LMO3: variants seen among roughly 807,000 people sequenced by gnomAD.
The protein encoded by LMO3 is LIM domain only 3, also known as LIM domain only protein 3.
In LMO3, 2 loss-of-function variants were observed where a neutral mutation model predicts 15.8. The observed-to-expected ratio is 0.13, with a 90% CI of 0.05 to 0.40. LMO3 has a LOEUF of 0.40. LMO3 is among the 10% of genes least tolerant of loss of function. LMO3 has a pLI of 0.99. For synonymous variants in LMO3, 62 were observed against 63.8 expected (o/e 0.97, Z 0.13); for missense variants, 86 against 182.2 (o/e 0.47, Z 3.04).
chr12:16,549,269 A>ATAGT lies in LMO3; in HGVS notation c.*1949_*1952dup, dbSNP rs1202774487. The ATAGT allele has an allele frequency of 6.6e-6, 1 of 152,130 alleles. No homozygotes were observed. Among genetic ancestry groups the ATAGT allele is most frequent in the Non-Finnish European group, 1.5e-5 (1 of 68,004 alleles). 9.4% of individuals were successfully genotyped at this position (152,130 alleles called of 1,614,324 possible). A position where few individuals can be genotyped will look rare whatever the true frequency, so the allele number is the denominator to read the frequency against. ...AGTGTAAGGCTCTAAGGCTAAAATA[A>ATAGT]TAGTTATTTTTGTGGGCCCCAAATA... On this transcript the variant is annotated 3_prime_UTR_variant, in exon 4 of 4. Transcript: ENST00000537304.
chr12:16,572,101 T>C (rs1403358718), intron 2 of LMO3, among the ~76,000 whole-genome samples: 2 of 152,030 alleles, frequency 1.3e-5, no homozygotes, highest in East Asian at 3.9e-4. Flanking sequence ...CAAAATGGTA[T>C]CCTGCAAGAA....
rs943827629 is a variant in LMO3, at chr12:16,555,586, A to T, written c.333-4259T>A. On this transcript the variant is annotated intron_variant, in intron 3 of 3. Coordinates refer to ENST00000537304, the MANE Select transcript of LMO3 (RefSeq NM_018640.5). This position sits in a 1 kb window ranked among gnomAD's most constrained non-coding sequence, Gnocchi z 5.5. Reference sequence around the variant, plus strand: ...AAATGTATTTTAGATGACTAATTTAAATTTGTATTCATTTTGACTTTTATT... The same window carrying T: ...AAATGTATTTTAGATGACTAATTTATATTTGTATTCATTTTGACTTTTATT... 2.6e-5 allele frequency among the ~76,000 whole-genome samples: 4 copies of T among 152,286 alleles called. No homozygotes were observed. Among genetic ancestry groups the T allele is most frequent in the Middle Eastern group, 3.4e-3 (1 of 294 alleles).
intron 2 of LMO3, chr12:16,600,427 T>A (rs1342622323): frequency 2.0e-6 from 1 of 498,626 alleles, no homozygotes; most frequent in Non-Finnish European, 3.6e-6. Context: ...ACTGCCTGAG[T>A]GTGCAGGCAA....
rs530658414 is a variant in LMO3, at chr12:16,587,457, C to T, written c.206+13198G>A. On this transcript the variant is annotated intron_variant, in intron 2 of 3. Coordinates refer to ENST00000537304, the MANE Select transcript of LMO3 (RefSeq NM_018640.5). The surrounding 1 kb of genome is among the most constrained non-coding windows in gnomAD (Gnocchi z 4.3). ...GACTAGAGAGCAAGGAATTCAAGTTCGATTTTTTTTTCTTTTACTTTGCCT... is the reference window on the plus strand; with the variant it reads ...GACTAGAGAGCAAGGAATTCAAGTTTGATTTTTTTTTCTTTTACTTTGCCT... Among the ~76,000 whole-genome samples, 4 of 152,020 alleles carry T rather than the reference C, an allele frequency of 2.6e-5. No individual in the cohort carries two copies. The highest frequency in any genetic ancestry group is 1.9e-4 in the East Asian group (1 of 5,188).
In LMO3 at chr12:16,550,044, T is replaced by TAATC. The variant is rs1423539113; in HGVS notation, c.*1174_*1177dup. On this transcript the variant is annotated 3_prime_UTR_variant, in exon 4 of 4. Transcript: ENST00000537304. ...TGTCAGGTAAATACAGAAAAATATA[T>TAATC]AATCACTAGTTCTCAGCATTTTATC... 1.3e-5 allele frequency: 2 copies of TAATC among 151,986 alleles called. No individual in the cohort carries two copies. Among genetic ancestry groups the TAATC allele is most frequent in the Non-Finnish European group, 2.9e-5 (2 of 67,920 alleles). 9.4% of individuals were successfully genotyped at this position (151,986 alleles called of 1,614,324 possible).
Position 16,549,987 on chromosome 12 carries a change from TAA to T in LMO3, c.*1233_*1234del, listed in dbSNP as rs749758862. ...ATGAGAGAGTAAAACACATCAAACT[TAA>T]AGTGTTTACTTTTTGAACATTAAAA... is the stretch of plus-strand genomic sequence containing the variant. On this transcript the variant is annotated 3_prime_UTR_variant, in exon 4 of 4. Transcript: ENST00000537304. The T allele has an allele frequency of 5.9e-5, 9 of 152,084 alleles. No homozygotes were observed. The highest frequency in any genetic ancestry group is 8.8e-5 in the Non-Finnish European group (6 of 67,956). 9.4% of individuals were successfully genotyped at this position (152,084 alleles called of 1,614,324 possible).
At chr12:16,605,114 G>A in intron 1 of LMO3, 1 of 1,432,314 alleles carries the variant, frequency 7.0e-7, no homozygotes, top group Non-Finnish European at 9.1e-7. Flanking sequence ...GCGCACACAC[G>A]GAGCCCCTCG....
At position 16,591,140 on chromosome 12, in the gene LMO3, T is replaced by C. The variant is rs1359462091; in HGVS notation, c.206+9515A>G. ...CATTGTTTGTTGCAACAGTGATAGGTGGTACCATAGACCTACACAGTGACT... is the reference window on the plus strand; with the variant it reads ...CATTGTTTGTTGCAACAGTGATAGGCGGTACCATAGACCTACACAGTGACT... On this transcript the variant is annotated intron_variant, in intron 2 of 3. Coordinates refer to ENST00000537304, the MANE Select transcript of LMO3 (RefSeq NM_018640.5). The surrounding 1 kb of genome is among the most constrained non-coding windows in gnomAD (Gnocchi z 4.1). Among the ~76,000 whole-genome samples, 2 of 151,950 alleles carry C rather than the reference T, an allele frequency of 1.3e-5. No homozygotes were observed. Among genetic ancestry groups the C allele is most frequent in the African/African-American group, 4.8e-5 (2 of 41,468 alleles).
chr12:16,575,058 G>C (rs1942950378), intron 2 of LMO3, among the ~76,000 whole-genome samples: 1 of 150,364 alleles, frequency 6.7e-6, no homozygotes, highest in South Asian at 2.1e-4. Flanking sequence ...GTTTTCGTTT[G>C]TTTATTTTTA....
chr12:16,579,925 G>GT (rs1391712369), intron 2 of LMO3, among the ~76,000 whole-genome samples: 1 of 152,134 alleles, frequency 6.6e-6, no homozygotes, highest in Non-Finnish European at 1.5e-5. Flanking sequence ...AGAGAACCAG[G>GT]TATCTGTTGG....
At position 16,548,625 on chromosome 12, in the gene LMO3, A is replaced by C. The variant is rs1183351874; in HGVS notation, c.*2597T>G. 1 of 152,178 alleles carries C rather than the reference A, an allele frequency of 6.6e-6. No homozygotes were observed. Among genetic ancestry groups the C allele is most frequent in the Non-Finnish European group, 1.5e-5 (1 of 68,032 alleles). The allele number at this position is 152,178 out of a possible 1,614,324, so 9.4% of individuals were successfully genotyped here. A position where few individuals can be genotyped will look rare whatever the true frequency, so the allele number is the denominator to read the frequency against. On this transcript the variant is annotated 3_prime_UTR_variant, in exon 4 of 4. Coordinates refer to ENST00000537304, the MANE Select transcript of LMO3 (RefSeq NM_018640.5). The surrounding 1 kb of genome is among the most constrained non-coding windows in gnomAD (Gnocchi z 4.2). Reference sequence around the variant, plus strand: ...GGAGGTGTCCTACTGGAGGCATCAGACAACAAGCTAAATGACGTTAGGGCT... The same window carrying C: ...GGAGGTGTCCTACTGGAGGCATCAGCCAACAAGCTAAATGACGTTAGGGCT...
upstream of LMO3, chr12:16,609,850 G>C (rs1944091265): frequency 6.6e-6 from 1 of 151,542 alleles, no homozygotes; most frequent in African/African-American, 2.4e-5. Flanking sequence ...GATTACTTTT[G>C]TGTGCGGGTG....
At chr12:16,579,955 A>C (rs1943108735) in intron 2 of LMO3, among the ~76,000 whole-genome samples, 1 of 152,222 alleles carries the variant, frequency 6.6e-6, no homozygotes, top group Non-Finnish European at 1.5e-5. Context: ...AATGTTGCAC[A>C]GGGTGCTTTC....
rs1237883799 is a variant in LMO3, at chr12:16,555,464, T to C, written c.333-4137A>G. 6.6e-6 allele frequency among the ~76,000 whole-genome samples: 1 copy of C among 152,270 alleles called. No homozygotes were observed. Among genetic ancestry groups the C allele is most frequent in the African/African-American group, 2.4e-5 (1 of 41,470 alleles). ...CGAGTTATATTTCTTTTGAACCCTTTGCAGAACCATCATAAACTGTACTAC... is the reference window on the plus strand; with the variant it reads ...CGAGTTATATTTCTTTTGAACCCTTCGCAGAACCATCATAAACTGTACTAC... On this transcript the variant is annotated intron_variant, in intron 3 of 3. Transcript: ENST00000537304. This position sits in a 1 kb window ranked among gnomAD's most constrained non-coding sequence, Gnocchi z 5.5.
chr12:16,556,227 G>GA (rs1309789607), intron 3 of LMO3, among the ~76,000 whole-genome samples: 1 of 152,122 alleles, frequency 6.6e-6, no homozygotes, highest in Non-Finnish European at 1.5e-5. Flanking sequence ...TTTCTAAGGA[G>GA]AAGGGGCTTA....
rs908749552 is a variant in LMO3 at position 16,549,819 on chromosome 12, A to C, written c.*1403T>G. ...TCTCATTTCCTTAATTGTAATTTAAATAATCATTCTCCATAATTTCTCTTT... is the reference window on the plus strand; with the variant it reads ...TCTCATTTCCTTAATTGTAATTTAACTAATCATTCTCCATAATTTCTCTTT... On this transcript the variant is annotated 3_prime_UTR_variant, in exon 4 of 4. Transcript: ENST00000537304. 4 of 152,104 alleles carry C rather than the reference A, an allele frequency of 2.6e-5. No homozygotes were observed. The highest frequency in any genetic ancestry group is 9.7e-5 in the African/African-American group (4 of 41,442). 9.4% of individuals were successfully genotyped at this position (152,104 alleles called of 1,614,324 possible). A position where few individuals can be genotyped will look rare whatever the true frequency, so the allele number is the denominator to read the frequency against.
At chr12:16,558,687 G>A (rs1165446908) in intron 3 of LMO3, among the ~76,000 whole-genome samples, 1 of 152,044 alleles carries the variant, frequency 6.6e-6, no homozygotes, top group Non-Finnish European at 1.5e-5. Context: ...GACTGTCTGG[G>A]TAACTATTAC....
At chr12:16,580,917 G>A (rs1450290900) in intron 2 of LMO3, among the ~76,000 whole-genome samples, 1 of 152,172 alleles carries the variant, frequency 6.6e-6, no homozygotes, top group Admixed American at 6.5e-5. Context: ...TTATGAATAA[G>A]TATACTGTGT....
rs567482244 is a variant in LMO3 at position 16,568,786 on chromosome 12, G to T, written c.207-8248C>A. Among the ~76,000 whole-genome samples, 16 of 152,246 alleles carry T rather than the reference G, an allele frequency of 1.1e-4. No individual in the cohort carries two copies. In the South Asian group the frequency reaches 3.3e-3, roughly 32 times the overall value. The stretch of plus-strand genomic sequence containing the variant: ...TTACATTCTATTTCTATTGGACAGT[G>T]CTGGTCTATAGCTTCAGCTTTCTTT... On this transcript the variant is annotated intron_variant, in intron 2 of 3. Coordinates refer to ENST00000537304, the MANE Select transcript of LMO3 (RefSeq NM_018640.5).
Sources: allele counts gnomAD v4.1 joint callset (sites outside exome capture counted in the v4.1 genomes callset), GRCh38; gene constraint gnomAD v4.1.1; non-coding constraint Gnocchi (gnomAD v3.1); transcripts MANE v1.5; gene names NCBI Gene and HGNC (gene_info 2026-07-23, HGNC 2026-07-21).